Variants in CDH13 observed in about 807,000 individuals in gnomAD.
The protein encoded by CDH13 is cadherin-13.
A neutral mutation model predicts 63.8 loss-of-function variants in CDH13; 24 were observed. That is an observed-to-expected ratio of 0.38 (90% CI 0.27 to 0.53). The LOEUF is 0.53. Among genes scored for constraint, CDH13 ranks in the 20% least tolerant of loss-of-function variants. The probability of loss-of-function intolerance (pLI) is 0.85; values close to 1 mark genes in which losing one functional copy is unlikely to be tolerated. For synonymous variants in CDH13, 503 were observed against 355.3 expected (o/e 1.42, Z -4.67); for missense variants, 1,049 against 903.1 (o/e 1.16, Z -2.07).
At chr16:82,977,101 A>G (rs536954165) in intron 2 of CDH13, among the ~76,000 whole-genome samples, 1 of 152,350 alleles carries the variant, frequency 6.6e-6, no homozygotes, top group East Asian at 1.9e-4. Context: ...CACTTTACAA[A>G]TTTATGCTAA....
chr16:82,743,650 C>G (rs1368544349), intron 1 of CDH13, among the ~76,000 whole-genome samples: 1 of 152,108 alleles, frequency 6.6e-6, no homozygotes, highest in African/African-American at 2.4e-5. Context: ...AATACAGACC[C>G]AACACTCAGC....
At chr16:82,735,991 T>C (rs1295442482) in intron 1 of CDH13, among the ~76,000 whole-genome samples, 1 of 152,222 alleles carries the variant, frequency 6.6e-6, no homozygotes. Context: ...TCAGCCAAGC[T>C]AGTCAGTCTA....
chr16:83,240,357 G>A (rs1181199059), intron 5 of CDH13, among the ~76,000 whole-genome samples: 1 of 152,036 alleles, frequency 6.6e-6, no homozygotes, highest in East Asian at 1.9e-4. Flanking sequence ...TGAAGGTTTT[G>A]GACAGAGGCA....
At chr16:83,121,182 T>A (rs948149959) in intron 3 of CDH13, among the ~76,000 whole-genome samples, 5 of 152,234 alleles carry the variant, frequency 3.3e-5, no homozygotes, top group Non-Finnish European at 7.3e-5. Context: ...TTTGCCTGCA[T>A]ATTGAGTCCT....
intron 1 of CDH13, among the ~76,000 whole-genome samples, chr16:82,784,370 G>C (rs2035903726): frequency 6.6e-6 from 1 of 152,198 alleles, no homozygotes; most frequent in Admixed American, 6.5e-5. Flanking sequence ...CCATCACTTG[G>C]TCAAATGACC....
At chr16:83,358,856 A>AT (rs1464893524) in intron 6 of CDH13, among the ~76,000 whole-genome samples, 1 of 152,042 alleles carries the variant, frequency 6.6e-6, no homozygotes, top group Non-Finnish European at 1.5e-5. Context: ...GTTAAAAAAA[A>AT]CCCCACTGCC....
At chr16:83,183,202 A>G (rs2038404684) in intron 4 of CDH13, among the ~76,000 whole-genome samples, 1 of 152,198 alleles carries the variant, frequency 6.6e-6, no homozygotes, top group Non-Finnish European at 1.5e-5. Flanking sequence ...TAGTCGTTTG[A>G]GTGGGAAGTG....
chr16:83,231,452 T>C (rs4782756), intron 5 of CDH13, among the ~76,000 whole-genome samples: 107,369 of 152,142 alleles, frequency 0.71, 40,664 homozygotes, highest in East Asian at 0.86. Context: ...AAGCATAGAT[T>C]GCACATGGAG....
intron 5 of CDH13, among the ~76,000 whole-genome samples, chr16:83,261,341 T>C (rs753708579): frequency 7.2e-5 from 11 of 152,030 alleles, no homozygotes; most frequent in Non-Finnish European, 1.0e-4. Flanking sequence ...CTGTTCTCAA[T>C]TGGGGATGAC....
chr16:82,849,714 C>T (rs76972413), intron 1 of CDH13, among the ~76,000 whole-genome samples: 1 of 152,336 alleles, frequency 6.6e-6, no homozygotes, highest in Non-Finnish European at 1.5e-5. Flanking sequence ...GACAAGCAAA[C>T]TCTTTTGTCT....
At chr16:82,887,707 G>C (rs534385845) in intron 2 of CDH13, among the ~76,000 whole-genome samples, 143 of 152,298 alleles carry the variant, frequency 9.4e-4, no homozygotes, top group African/African-American at 3.3e-3. Context: ...TGTAGTCCCA[G>C]CTACTCTGGA....
intron 1 of CDH13, 111 bp downstream of exon 1, chr16:82,627,248 G>A (rs1907396800): frequency 1.1e-6 from 1 of 895,292 alleles, no homozygotes; most frequent in Admixed American, 2.0e-5. Flanking sequence ...CGGTCGCGGC[G>A]GCGAAGACAG....
chr16:83,776,535 T>C (rs991202825), intron 11 of CDH13, among the ~76,000 whole-genome samples: 2 of 152,214 alleles, frequency 1.3e-5, no homozygotes, highest in Non-Finnish European at 2.9e-5. Context: ...GTTTACTCTG[T>C]AGCTGTCTTT....
At chr16:83,555,079 A>G (rs1346104229) in intron 7 of CDH13, among the ~76,000 whole-genome samples, 5 of 152,208 alleles carry the variant, frequency 3.3e-5, no homozygotes, top group African/African-American at 1.2e-4. Flanking sequence ...ACCAGCTTGC[A>G]GCCCCTCACT....
chr16:82,775,293 G>A lies in CDH13; in HGVS notation c.46-83069G>A, dbSNP rs1182494303. 2.6e-5 allele frequency among the ~76,000 whole-genome samples: 4 copies of A among 152,194 alleles called. No individual in the cohort carries two copies. In the South Asian group the frequency reaches 8.3e-4, roughly 32 times the overall value. On this transcript the variant is annotated intron_variant, in intron 1 of 13. Coordinates refer to ENST00000567109, the MANE Select transcript of CDH13 (RefSeq NM_001257.5). The stretch of plus-strand genomic sequence containing the variant: ...CATGATATACAAGAAAGTCAGCGGA[G>A]CCTCCTAATACAGTAAAGTAACCAT...
chr16:82,628,988 A>T (rs1281479335), intron 1 of CDH13, among the ~76,000 whole-genome samples: 1 of 152,196 alleles, frequency 6.6e-6, no homozygotes, highest in South Asian at 2.1e-4. Context: ...CCAGTCTGGG[A>T]GCTGTCGGTG....
chr16:82,875,926 T>A (rs1464878835), intron 2 of CDH13, among the ~76,000 whole-genome samples: 5 of 152,214 alleles, frequency 3.3e-5, no homozygotes, highest in Admixed American at 6.5e-5. Context: ...CAGTTCCACA[T>A]GAGTGGGGAG....
intron 8 of CDH13, among the ~76,000 whole-genome samples, chr16:83,664,939 T>C (rs749220890): frequency 1.2e-4 from 18 of 152,336 alleles, no homozygotes; most frequent in Middle Eastern, 3.4e-3. Context: ...TACTGATGTA[T>C]TTTTGTGCCT....
intron 1 of CDH13, among the ~76,000 whole-genome samples, chr16:82,671,946 G>C (rs1913296667): frequency 6.6e-6 from 1 of 152,148 alleles, no homozygotes; most frequent in Non-Finnish European, 1.5e-5. Flanking sequence ...GGAGGTCTTT[G>C]TTTATGAATT....
Sources: allele counts gnomAD v4.1 joint callset (sites outside exome capture counted in the v4.1 genomes callset), GRCh38; gene constraint gnomAD v4.1.1; transcripts MANE v1.5; gene names NCBI Gene and HGNC (gene_info 2026-07-23, HGNC 2026-07-21).